The following MED12L variants were observed in gnomAD, a reference collection of about 807,000 sequenced individuals.
MED12L encodes mediator complex subunit 12L.
MED12L carries 60 observed loss-of-function variants against 281.3 expected under a neutral mutation model. The observed-to-expected ratio is 0.21, with a 90% CI of 0.17 to 0.26. The LOEUF is 0.26. Ranked by LOEUF, MED12L falls within the 10% of genes least tolerant of loss-of-function variation. MED12L has a pLI of 1.00. For synonymous variants in MED12L, 974 were observed against 987.2 expected (o/e 0.99, Z 0.25); for missense variants, 2,146 against 2,680.9 (o/e 0.80, Z 4.41).
chr3:151,330,326 G>T (rs1041945300), intron 16 of MED12L, among the ~76,000 whole-genome samples: 3 of 152,160 alleles, frequency 2.0e-5, no homozygotes, highest in Non-Finnish European at 2.9e-5. Context: ...ACTTAGTAGA[G>T]GGCCATTTTT....
intron 39 of MED12L, among the ~76,000 whole-genome samples, chr3:151,407,385 A>T (rs929231419): frequency 1.3e-5 from 2 of 152,186 alleles, no homozygotes; most frequent in Non-Finnish European, 2.9e-5. Flanking sequence ...CTAGATTCTA[A>T]CTCATATATA....
rs111619072 is a variant in MED12L, at chr3:151,298,332, C to T, written c.2251-51727C>T. On this transcript the variant is annotated intron_variant, in intron 16 of 44. Transcript: ENST00000687756. Reference sequence around the variant, plus strand: ...TAAAGAACTTGGCCAAGTTAGGAAACATCTTTAATTGACAGTAGCTTGGTC... The same window carrying T: ...TAAAGAACTTGGCCAAGTTAGGAAATATCTTTAATTGACAGTAGCTTGGTC... 6.5e-3 allele frequency among the ~76,000 whole-genome samples: 990 copies of T among 152,282 alleles called. 8 individuals are homozygous for T. Among genetic ancestry groups the T allele is most frequent in the South Asian group, 0.015 (72 of 4,828 alleles).
At chr3:151,213,550 T>G in intron 16 of MED12L, 1 of 1,614,198 alleles carries the variant, frequency 6.2e-7, no homozygotes, top group South Asian at 1.1e-5. Flanking sequence ...ACTCTTTGTG[T>G]AGGGGATTCT....
intron 11 of MED12L, among the ~76,000 whole-genome samples, chr3:151,179,920 C>T (rs7650959): frequency 0.074 from 11,309 of 152,100 alleles, 932 homozygotes; most frequent in African/African-American, 0.2. Context: ...TTAAAGTAGG[C>T]GCAGAAGCTG....
At chr3:151,337,501 C>A in intron 16 of MED12L, 1 of 254,968 alleles carries the variant, frequency 3.9e-6, no homozygotes. Flanking sequence ...TTAAAAATTA[C>A]AGTAAATATT....
chr3:151,373,935 C>T (rs530858252), intron 27 of MED12L, among the ~76,000 whole-genome samples: 38 of 152,164 alleles, frequency 2.5e-4, no homozygotes, highest in African/African-American at 7.2e-4. Flanking sequence ...ATTAATTCTA[C>T]GACCTGTCTG....
At chr3:151,399,823 CTTCT>C (rs1351122867) in intron 39 of MED12L, among the ~76,000 whole-genome samples, 1 of 150,312 alleles carries the variant, frequency 6.7e-6, no homozygotes, top group Non-Finnish European at 1.5e-5. Flanking sequence ...TAAGGAATTC[CTTCT>C]TTCTTTTTTT....
At chr3:151,166,505 G>A (rs60209219) in intron 11 of MED12L, among the ~76,000 whole-genome samples, 3 of 151,936 alleles carry the variant, frequency 2.0e-5, no homozygotes, top group Non-Finnish European at 2.9e-5. Context: ...AGAGAGAAAG[G>A]GGGGGAGAAA....
chr3:151,231,898 T>G (rs1731744010), intron 16 of MED12L, among the ~76,000 whole-genome samples: 1 of 152,234 alleles, frequency 6.6e-6, no homozygotes, highest in Non-Finnish European at 1.5e-5. Context: ...AGTACTTCAG[T>G]ACAAGAAAAC....
At chr3:151,099,583 ATTGT>A (rs1397338724) in intron 2 of MED12L, among the ~76,000 whole-genome samples, 1 of 152,178 alleles carries the variant, frequency 6.6e-6, no homozygotes, top group African/African-American at 2.4e-5. Context: ...GTTTTGAGAC[ATTGT>A]TTGGGTTGAA....
intron 27 of MED12L, among the ~76,000 whole-genome samples, chr3:151,375,494 T>C (rs929891356): frequency 6.6e-6 from 1 of 152,112 alleles, no homozygotes; most frequent in African/African-American, 2.4e-5. Flanking sequence ...CAATTGCACT[T>C]CTATGAAATT....
chr3:151,367,036 T>C (rs953906463), intron 23 of MED12L, among the ~76,000 whole-genome samples: 3 of 152,208 alleles, frequency 2.0e-5, no homozygotes, highest in African/African-American at 7.2e-5. Flanking sequence ...TAGTTGTTTT[T>C]CTTATTATTT....
rs1210212507 is a variant in MED12L, at chr3:151,387,953, C to G, written c.5232C>G (p.Leu1744=). The change falls in exon 37 of 45, where the codon CTC becomes CTG. Residue 1744 remains leucine (L), a synonymous_variant. Transcript: ENST00000687756. ...TCAAGTACGAGGAGCAGCATCACCT[C>G]CTGCTGTATCACACACACCCCATGC... ...RVIKYEEQHH[L]LLYHTHPMPK... 1 of 1,613,924 alleles carries G rather than the reference C, an allele frequency of 6.2e-7. No homozygotes were observed. The highest frequency in any genetic ancestry group is 8.5e-7 in the Non-Finnish European group (1 of 1,180,016).
intron 2 of MED12L, among the ~76,000 whole-genome samples, chr3:151,100,870 G>C (rs572718319): frequency 2.5e-4 from 38 of 152,164 alleles, no homozygotes; most frequent in Non-Finnish European, 4.9e-4. Flanking sequence ...AGGTGATATG[G>C]GGGTGTAGAA....
chr3:151,105,456 G>A (rs1028799321), intron 2 of MED12L, among the ~76,000 whole-genome samples: 1 of 152,048 alleles, frequency 6.6e-6, no homozygotes, highest in East Asian at 1.9e-4. Flanking sequence ...ACCCCTCTCA[G>A]GTCACCCGGA....
intron 2 of MED12L, among the ~76,000 whole-genome samples, chr3:151,106,376 G>T (rs911522997): frequency 8.3e-6 from 1 of 119,988 alleles, no homozygotes; most frequent in Non-Finnish European, 1.6e-5. Context: ...GTCTCGCCAT[G>T]TTGGGCAGGT....
intron 31 of MED12L, among the ~76,000 whole-genome samples, chr3:151,379,559 C>A (rs924581829): frequency 6.6e-6 from 1 of 152,138 alleles, no homozygotes; most frequent in Admixed American, 6.5e-5. Context: ...CACTAGGGGT[C>A]GCCAGCAAGT....
At chr3:151,163,827 C>A in intron 8 of MED12L, 66 bp from the exon 9 acceptor site, 55 of 1,451,212 alleles carry the variant, frequency 3.8e-5, no homozygotes, top group East Asian at 1.2e-4. Context: ...GTCGTTTTTA[C>A]TGTTTAGCTA....
intron 43 of MED12L, among the ~76,000 whole-genome samples, chr3:151,424,257 A>G (rs1402261862): frequency 6.6e-6 from 1 of 152,238 alleles, no homozygotes; most frequent in Non-Finnish European, 1.5e-5. Context: ...AAGAAATATC[A>G]GGAGATTTCT....
Sources: allele counts gnomAD v4.1 joint callset (sites outside exome capture counted in the v4.1 genomes callset), GRCh38; gene constraint gnomAD v4.1.1; transcripts MANE v1.5; gene names NCBI Gene and HGNC (gene_info 2026-07-23, HGNC 2026-07-21).